The following PATJ variants were observed in gnomAD, a reference collection of about 807,000 sequenced individuals.
PATJ encodes the protein inaD-like protein.
In PATJ, 190 loss-of-function variants were observed where a neutral mutation model predicts 224.9. That is an observed-to-expected ratio of 0.84 (90% CI 0.75 to 0.95). PATJ has a LOEUF of 0.95. Among genes scored for constraint, PATJ ranks in the 40% least tolerant of loss-of-function variants. The pLI, the probability that PATJ is intolerant of heterozygous loss-of-function variation, is 0.00. For missense variants in PATJ, 2,121 were observed against 2,270.3 expected (o/e 0.93, Z 1.34); for synonymous variants, 769 against 820.3 (o/e 0.94, Z 1.07).
intron 18 of PATJ, among the ~76,000 whole-genome samples, chr1:61,859,149 C>T (rs1031074026): frequency 3.3e-5 from 5 of 152,202 alleles, no homozygotes; most frequent in Non-Finnish European, 7.3e-5. Flanking sequence ...AGCACTTCAA[C>T]AGCAGAGCCT....
intron 7 of PATJ, among the ~76,000 whole-genome samples, chr1:61,778,087 C>T (rs1647037965): frequency 6.6e-6 from 1 of 152,008 alleles, no homozygotes; most frequent in African/African-American, 2.4e-5. Context: ...ACCATGTTGC[C>T]CAGGCTGATT....
rs369481254 is a variant in PATJ at position 61,823,080 on chromosome 1, G to T, written c.1818+1G>T. 6.2e-7 allele frequency: 1 copy of T among 1,613,752 alleles called. No individual in the cohort carries two copies. The highest frequency in any genetic ancestry group is 1.1e-5 in the South Asian group (1 of 90,936). On this transcript the variant is annotated splice_donor_variant, in intron 15 of 43. Coordinates refer to ENST00000642238, the MANE Select transcript of PATJ (RefSeq NM_001350145.3). LOFTEE classifies it high-confidence loss of function. ...ACAGCCAGAAGATGAGCTGCTTGAG[G>T]TAAAATTTATGGGGAAAGAAAGACA...
At position 61,877,712 on chromosome 1, in the gene PATJ, G is replaced by A. The variant is rs143537002; in HGVS notation, c.2959+2346G>A. Among the ~76,000 whole-genome samples, 288 of 152,242 alleles carry A rather than the reference G, an allele frequency of 1.9e-3. No homozygotes were observed. The Middle Eastern group carries it at 0.027, about 14-fold the overall frequency. ...AGCCATGCCTCTCGTACAGCCTGTGGAACTGTGAGTCAATTAAACATGTTT... is the reference window on the plus strand; with the variant it reads ...AGCCATGCCTCTCGTACAGCCTGTGAAACTGTGAGTCAATTAAACATGTTT... On this transcript the variant is annotated intron_variant, in intron 21 of 43. Transcript: ENST00000642238.
chr1:61,975,829 A>G (rs771126015), intron 27 of PATJ, among the ~76,000 whole-genome samples: 1 of 152,068 alleles, frequency 6.6e-6, no homozygotes, highest in African/African-American at 2.4e-5. Flanking sequence ...CATCAGCCCA[A>G]AGTAAATTCT....
At position 61,787,962 on chromosome 1, in the gene PATJ, G is replaced by C; in HGVS notation, c.1058G>C (p.Gly353Ala). ...PVALPTVASK[G>A]PGSDSSLFET... ...GCCCTGCCTACTGTAGCCAGCAAGG[G>C]CCCTGGTTCTGTGAGTATACATATC... Residue 353 changes from glycine to alanine, a missense_variant, in exon 8 of 44, where the codon GGC becomes GCC. Physicochemically the swap from Gly to Ala is moderately conservative, Grantham distance 60. Coordinates refer to ENST00000642238, the MANE Select transcript of PATJ (RefSeq NM_001350145.3). 2 of 1,612,762 alleles carry C rather than the reference G, an allele frequency of 1.2e-6. No individual in the cohort carries two copies. Among genetic ancestry groups the C allele is most frequent in the African/African-American group, 2.7e-5 (2 of 75,000 alleles).
In PATJ at chr1:62,049,243, T is replaced by TCACACACACACA. The variant is rs60099928; in HGVS notation, c.4033-1696_4033-1685dup. ...AATTCCACTCCCCAGAAGTAAGCAA[T>TCACACACACACA]CACACACACACACACACACACACAC... On this transcript the variant is annotated intron_variant, in intron 30 of 43. Transcript: ENST00000642238. Among the ~76,000 whole-genome samples the TCACACACACACA allele has an allele frequency of 4.9e-3, 668 of 137,262 alleles. 6 individuals carry two copies. Among genetic ancestry groups the TCACACACACACA allele is most frequent in the African/African-American group, 8.7e-3 (316 of 36,296 alleles). 90.0% of individuals were successfully genotyped at this position (137,262 alleles called of 152,430 possible).
At chr1:61,996,291 C>A (rs1349441765) in intron 28 of PATJ, among the ~76,000 whole-genome samples, 4 of 152,138 alleles carry the variant, frequency 2.6e-5, no homozygotes, top group African/African-American at 9.7e-5. Context: ...ATGACTGGCC[C>A]AGGTATACAT....
chr1:62,059,203 G>A (rs944401218), intron 31 of PATJ, among the ~76,000 whole-genome samples: 1 of 152,098 alleles, frequency 6.6e-6, no homozygotes, highest in African/African-American at 2.4e-5. Context: ...GGGGTTGGCT[G>A]GCAGAGGGCC....
chr1:61,979,285 C>A (rs1467848715), intron 27 of PATJ, among the ~76,000 whole-genome samples: 1 of 152,058 alleles, frequency 6.6e-6, no homozygotes, highest in Non-Finnish European at 1.5e-5. Flanking sequence ...TTGACTGACA[C>A]ACTGTGTAAG....
rs574997293 is a variant in PATJ, at chr1:61,783,806, G to T, written c.850-3948G>T. Among the ~76,000 whole-genome samples, 9 of 141,548 alleles carry T rather than the reference G, an allele frequency of 6.4e-5. No homozygotes were observed. In the South Asian group the frequency reaches 2.1e-3, roughly 33 times the overall value. 92.9% of individuals were successfully genotyped at this position (141,548 alleles called of 152,430 possible). On this transcript the variant is annotated intron_variant, in intron 7 of 43. Coordinates refer to ENST00000642238, the MANE Select transcript of PATJ (RefSeq NM_001350145.3). ...TCTGTTGCTCAGGCTGGAGTGCAGTGGTATGATTTTGGCTCACTGCATCCT... is the reference window on the plus strand; with the variant it reads ...TCTGTTGCTCAGGCTGGAGTGCAGTTGTATGATTTTGGCTCACTGCATCCT...
At position 62,062,392 on chromosome 1, in the gene PATJ, C is replaced by CTTTTT. The variant is rs60747316; in HGVS notation, c.4125+11357_4125+11361dup. 7.0e-4 allele frequency among the ~76,000 whole-genome samples: 20 copies of CTTTTT among 28,464 alleles called. 1 individual carries two copies. Among genetic ancestry groups the CTTTTT allele is most frequent in the African/African-American group, 1.4e-3 (9 of 6,294 alleles). 18.7% of individuals were successfully genotyped at this position (28,464 alleles called of 152,430 possible). ...TGGTTGGCTGCTTCTATGTTGTCTT[C>CTTTTT]TTTTTTTTTTTTTTTTTTTTTTTTT... is the stretch of plus-strand genomic sequence containing the variant. On this transcript the variant is annotated intron_variant, in intron 31 of 43. Coordinates refer to ENST00000642238, the MANE Select transcript of PATJ (RefSeq NM_001350145.3).
intron 33 of PATJ, among the ~76,000 whole-genome samples, chr1:62,090,839 A>T (rs980787230): frequency 6.6e-6 from 1 of 152,138 alleles, no homozygotes; most frequent in African/African-American, 2.4e-5. Context: ...ATGTCCTTCA[A>T]TGTCCACTTC....
chr1:62,097,190 T>C (rs1661493374), intron 33 of PATJ, among the ~76,000 whole-genome samples: 1 of 152,092 alleles, frequency 6.6e-6, no homozygotes, highest in Admixed American at 6.5e-5. Flanking sequence ...TATCTGGCCA[T>C]AGCCAGTACT....
At chr1:61,821,788 A>G (rs1657320779) in intron 14 of PATJ, among the ~76,000 whole-genome samples, 1 of 152,182 alleles carries the variant, frequency 6.6e-6, no homozygotes, top group Non-Finnish European at 1.5e-5. Flanking sequence ...CATCATGAGT[A>G]CCATTTACCG....
intron 33 of PATJ, among the ~76,000 whole-genome samples, chr1:62,087,076 C>T (rs1660094650): frequency 1.3e-5 from 2 of 152,126 alleles, no homozygotes; most frequent in Non-Finnish European, 2.9e-5. Flanking sequence ...TTTGGGTACC[C>T]GCACTCGGTG....
intron 29 of PATJ, among the ~76,000 whole-genome samples, chr1:62,037,776 T>G (rs981844625): frequency 2.0e-5 from 3 of 152,194 alleles, no homozygotes; most frequent in Non-Finnish European, 2.9e-5. Context: ...TAGTATCCTT[T>G]GAGCTACACA....
intron 41 of PATJ, among the ~76,000 whole-genome samples, chr1:62,131,616 C>T (rs2148956965): frequency 1.3e-5 from 2 of 151,802 alleles, no homozygotes; most frequent in Admixed American, 1.3e-4. Context: ...CCATTGCACC[C>T]CAGCATGGGC....
At position 61,902,620 on chromosome 1, in the gene PATJ, G is replaced by A. The variant is rs1671339305; in HGVS notation, c.3381+1161G>A. Among the ~76,000 whole-genome samples, 4 of 152,202 alleles carry A rather than the reference G, an allele frequency of 2.6e-5. No individual in the cohort carries two copies. The East Asian group carries it at 5.8e-4, about 22-fold the overall frequency. ...ACAAATGTTGAGTTATATTTGTGCT[G>A]TGCAATATTTAAAACAATTTTCAAA... On this transcript the variant is annotated intron_variant, in intron 24 of 43. Transcript: ENST00000642238.
intron 27 of PATJ, among the ~76,000 whole-genome samples, chr1:61,984,550 C>A (rs1644638238): frequency 6.6e-6 from 1 of 151,752 alleles, no homozygotes; most frequent in African/African-American, 2.4e-5. Context: ...TCCCACAAAA[C>A]AGAAAACAAT....
Sources: allele counts gnomAD v4.1 joint callset (sites outside exome capture counted in the v4.1 genomes callset), GRCh38; gene constraint gnomAD v4.1.1; transcripts MANE v1.5; gene names NCBI Gene and HGNC (gene_info 2026-07-23, HGNC 2026-07-21).